The following IMMP2L variants were observed in gnomAD, a reference collection of about 807,000 sequenced individuals.
IMMP2L encodes inner mitochondrial membrane peptidase subunit 2, also known as mitochondrial inner membrane protease subunit 2.
Under a neutral mutation model 19.3 loss-of-function variants are expected in IMMP2L, and 18 were observed. The ratio of observed to expected loss-of-function variants is 0.93; its 90% confidence interval spans 0.64 to 1.38. The LOEUF (loss-of-function observed/expected upper bound fraction) is 1.38. IMMP2L is among the 40% of genes most tolerant of loss of function. The pLI is 0.00. For synonymous variants in IMMP2L, 76 were observed against 73.0 expected, an observed-to-expected ratio of 1.04 and a Z score of -0.21; for missense variants, 233 against 218.2, an observed-to-expected ratio of 1.07 and a Z score of -0.43.
At chr7:111,284,597 G>T (rs1386551831) in intron 3 of IMMP2L, among the ~76,000 whole-genome samples, 1 of 152,186 alleles carries the variant, frequency 6.6e-6, no homozygotes, top group Non-Finnish European at 1.5e-5. Flanking sequence ...CAAGAGTGAA[G>T]AGGAAAGACA....
chr7:111,199,516 AAAAG>A (rs1809875885), intron 3 of IMMP2L, among the ~76,000 whole-genome samples: 1 of 152,190 alleles, frequency 6.6e-6, no homozygotes, highest in Admixed American at 6.5e-5. Flanking sequence ...TCTGAATAGA[AAAAG>A]AAAAGCCAAT....
intron 3 of IMMP2L, among the ~76,000 whole-genome samples, chr7:111,229,290 A>T (rs1562949592): frequency 6.6e-6 from 1 of 152,080 alleles, no homozygotes; most frequent in Admixed American, 6.6e-5. Flanking sequence ...GAGAGTATTT[A>T]ATGTATCCTG....
chr7:111,029,007 T>C (rs181923606), intron 3 of IMMP2L, among the ~76,000 whole-genome samples: 2 of 152,164 alleles, frequency 1.3e-5, no homozygotes, highest in African/African-American at 4.8e-5. Flanking sequence ...ACATAAAATA[T>C]CTATTAGCCT....
At chr7:111,253,641 T>C (rs1329859225) in intron 3 of IMMP2L, among the ~76,000 whole-genome samples, 1 of 152,070 alleles carries the variant, frequency 6.6e-6, no homozygotes, top group East Asian at 1.9e-4. Flanking sequence ...CAGGAGAGTA[T>C]AAGGTGTGTG....
At position 111,443,939 on chromosome 7, in the gene IMMP2L, T is replaced by A. The variant is rs534622089; in HGVS notation, c.239+43299A>T. Among the ~76,000 whole-genome samples the A allele has an allele frequency of 1.8e-4, 27 of 152,140 alleles. 1 individual carries two copies. The highest frequency in any genetic ancestry group is 3.2e-4 in the Non-Finnish European group (22 of 68,016). On this transcript the variant is annotated intron_variant, in intron 3 of 5. Coordinates refer to ENST00000405709, the MANE Select transcript of IMMP2L (RefSeq NM_032549.4). ...GAAAACTGAACTGTAAAGCATACAG[T>A]ATGTGCATCTTCACAGGGTATATAA... is the stretch of plus-strand genomic sequence containing the variant.
intron 3 of IMMP2L, among the ~76,000 whole-genome samples, chr7:110,992,892 T>G (rs1162622035): frequency 6.6e-6 from 1 of 152,158 alleles, no homozygotes; most frequent in African/African-American, 2.4e-5. Context: ...ATAAAATAAC[T>G]TGGCTTGACT....
At chr7:111,008,529 C>G (rs1824553695) in intron 3 of IMMP2L, among the ~76,000 whole-genome samples, 2 of 151,964 alleles carry the variant, frequency 1.3e-5, no homozygotes, top group Admixed American at 1.3e-4. Context: ...CCTCCTATCC[C>G]TCTTAACCTT....
chr7:111,387,018 C>T (rs937145153), intron 3 of IMMP2L, among the ~76,000 whole-genome samples: 1 of 152,170 alleles, frequency 6.6e-6, no homozygotes, highest in East Asian at 1.9e-4. Context: ...TATCACATAG[C>T]ACTTATTCAA....
intron 5 of IMMP2L, among the ~76,000 whole-genome samples, chr7:110,801,327 G>A (rs554321097): frequency 6.6e-6 from 1 of 152,120 alleles, no homozygotes; most frequent in Admixed American, 6.5e-5. Context: ...TATACTGCTT[G>A]TCTAAATTTT....
intron 3 of IMMP2L, among the ~76,000 whole-genome samples, chr7:111,273,523 T>C (rs1349961618): frequency 3.9e-5 from 6 of 152,068 alleles, no homozygotes; most frequent in Non-Finnish European, 7.4e-5. Flanking sequence ...AGAACAACAG[T>C]TATCCTGCCA....
intron 2 of IMMP2L, among the ~76,000 whole-genome samples, chr7:111,511,084 C>G (rs910470867): frequency 6.6e-6 from 1 of 152,096 alleles, no homozygotes; most frequent in Non-Finnish European, 1.5e-5. Context: ...CCTCAGTAAC[C>G]TCTGATATCA....
chr7:110,671,981 G>A (rs1008379132), intron 5 of IMMP2L, among the ~76,000 whole-genome samples: 1 of 151,934 alleles, frequency 6.6e-6, no homozygotes, highest in Non-Finnish European at 1.5e-5. Context: ...CTCCAGAACT[G>A]TGAGCAATAC....
rs563257785 is a variant in IMMP2L at position 110,758,477 on chromosome 7, A to C, written c.409-94756T>G. Among the ~76,000 whole-genome samples the C allele has an allele frequency of 1.3e-5, 2 of 152,186 alleles. No homozygotes were observed. The highest frequency in any genetic ancestry group is 4.8e-5 in the African/African-American group (2 of 41,554). ...TGATGACTCAGGAGAGAGCATAAGA[A>C]TTGCTAAAGCCATGTCCTTGTAGGT... On this transcript the variant is annotated intron_variant, in intron 5 of 5. Transcript: ENST00000405709. The surrounding 1 kb of genome is among the most constrained non-coding windows in gnomAD (Gnocchi z 4.6).
intron 3 of IMMP2L, among the ~76,000 whole-genome samples, chr7:111,047,104 A>G (rs7801960): frequency 0.95 from 144,116 of 152,186 alleles, 68,368 homozygotes; most frequent in East Asian, 0.99. Context: ...CTGGAAACAC[A>G]TCGTTACCTC....
At chr7:110,875,982 T>G (rs1021788885) in intron 5 of IMMP2L, among the ~76,000 whole-genome samples, 5 of 152,288 alleles carry the variant, frequency 3.3e-5, no homozygotes, top group African/African-American at 1.2e-4. Context: ...AAAGGGGAGA[T>G]GAATGTAACT....
At chr7:110,694,972 T>C (rs1053949710) in intron 5 of IMMP2L, among the ~76,000 whole-genome samples, 5 of 151,912 alleles carry the variant, frequency 3.3e-5, no homozygotes, top group Non-Finnish European at 2.9e-5. Context: ...AAAGGTCATA[T>C]ATTGTATGAT....
chr7:110,673,189 A>C (rs544593169), intron 5 of IMMP2L, among the ~76,000 whole-genome samples: 1 of 152,284 alleles, frequency 6.6e-6, no homozygotes, highest in East Asian at 1.9e-4. Flanking sequence ...GCCCAACCAC[A>C]TGGTAGCTGC....
chr7:110,787,153 G>T (rs1800136660), intron 5 of IMMP2L, among the ~76,000 whole-genome samples: 1 of 151,994 alleles, frequency 6.6e-6, no homozygotes, highest in South Asian at 2.1e-4. Context: ...ATGACACTGT[G>T]AACTTAAAGA....
At chr7:111,383,392 T>C (rs1831393743) in intron 3 of IMMP2L, among the ~76,000 whole-genome samples, 1 of 152,096 alleles carries the variant, frequency 6.6e-6, no homozygotes, top group South Asian at 2.1e-4. Flanking sequence ...CATAATTATT[T>C]TGTGTGATTA....
Sources: allele counts gnomAD v4.1 joint callset (sites outside exome capture counted in the v4.1 genomes callset), GRCh38; gene constraint gnomAD v4.1.1; non-coding constraint Gnocchi (gnomAD v3.1); transcripts MANE v1.5; gene names NCBI Gene and HGNC (gene_info 2026-07-23, HGNC 2026-07-21).